Variants in CDC26 observed in about 807,000 individuals in gnomAD.
CDC26 encodes the protein cell division cycle 26.
In CDC26, 2 loss-of-function variants were observed where a neutral mutation model predicts 8.0. The observed-to-expected ratio is 0.25, with a 90% CI of 0.10 to 0.79. The LOEUF (loss-of-function observed/expected upper bound fraction) is 0.79, where lower values mean the gene tolerates loss of function less well. Ranked by LOEUF, CDC26 falls within the 30% of genes least tolerant of loss-of-function variation. The pLI is 0.70. For synonymous variants in CDC26, 19 were observed against 34.9 expected (o/e 0.55, Z 1.60); for missense variants, 68 against 106.0 (o/e 0.64, Z 1.57).
At position 113,267,426 on chromosome 9, in the gene CDC26, T is replaced by C; in HGVS notation, c.95A>G (p.Gln32Arg). 6.3e-7 allele frequency: 1 copy of C among 1,598,140 alleles called. No individual in the cohort carries two copies. Among genetic ancestry groups the C allele is most frequent in the South Asian group, 1.1e-5 (1 of 87,818 alleles). ...IRKDLETRKKQKEDVEVVGGS... is the reference protein window; with the variant it reads ...IRKDLETRKKRKEDVEVVGGS... Reference sequence around the variant, plus strand: ...TCCTACAACTTCCACATCTTCCTTCTGTTTCTTACGGGTCTGAAAGTATAA... The same window carrying C: ...TCCTACAACTTCCACATCTTCCTTCCGTTTCTTACGGGTCTGAAAGTATAA... The change falls in exon 4 of 4, where the codon CAG becomes CGG. Residue 32 changes from glutamine to arginine, a missense_variant. Coordinates refer to ENST00000374206, the MANE Select transcript of CDC26 (RefSeq NM_139286.4).
intron 3 of CDC26, among the ~76,000 whole-genome samples, chr9:113,271,951 C>T (rs1467474156): frequency 6.6e-6 from 1 of 152,156 alleles, no homozygotes; most frequent in East Asian, 1.9e-4. Flanking sequence ...AATCCTCCCG[C>T]CTCCGCCTCC....
intron 3 of CDC26, among the ~76,000 whole-genome samples, chr9:113,267,712 G>A (rs1831884697): frequency 6.6e-6 from 1 of 152,198 alleles, no homozygotes; most frequent in Non-Finnish European, 1.5e-5. Context: ...AATTTGGCGG[G>A]GCACGGTGGC....
chr9:113,273,040 T>C (rs771014679), intron 2 of CDC26, among the ~76,000 whole-genome samples: 1 of 152,204 alleles, frequency 6.6e-6, no homozygotes, highest in South Asian at 2.1e-4. Flanking sequence ...TGTTACATTA[T>C]GGAGATCTAC....
chr9:113,273,184 T>C (rs1052987663), intron 2 of CDC26, 145 bp downstream of exon 2: 3 of 152,210 alleles, frequency 2.0e-5, no homozygotes, highest in Non-Finnish European at 4.4e-5. Flanking sequence ...GCTAAAAGAA[T>C]AAACTATCAC....
intron 3 of CDC26, among the ~76,000 whole-genome samples, chr9:113,268,447 C>T (rs556415565): frequency 5.3e-4 from 81 of 152,296 alleles, no homozygotes; most frequent in Non-Finnish European, 9.7e-4. Context: ...CAAAAACAGA[C>T]ACTTATCCCA....
In CDC26 at chr9:113,275,428, C is replaced by T. The variant is rs373384413; in HGVS notation, c.-198G>A. ...CCCTTCCCGGAACCTCGGCTCCCCC[C>T]CAACGAAACTACTGCTAAGCCAACT... On this transcript the variant is annotated 5_prime_UTR_variant, in exon 1 of 4. Coordinates refer to ENST00000374206, the MANE Select transcript of CDC26 (RefSeq NM_139286.4). The T allele has an allele frequency of 5.4e-5, 18 of 334,298 alleles. 1 individual carries two copies. Among genetic ancestry groups the T allele is most frequent in the African/African-American group, 2.6e-4 (12 of 46,994 alleles). The allele number at this position is 334,298 out of a possible 1,614,324, so 20.7% of individuals were successfully genotyped here.
At chr9:113,269,254 A>G (rs1316059030) in intron 3 of CDC26, among the ~76,000 whole-genome samples, 2 of 152,192 alleles carry the variant, frequency 1.3e-5, no homozygotes, top group Middle Eastern at 3.2e-3. Context: ...AATAAATGCC[A>G]ACACTCACAA....
Position 113,267,179 on chromosome 9 carries a change from A to G in CDC26, c.*84T>C. 1.3e-6 allele frequency: 1 copy of G among 795,644 alleles called. No individual in the cohort carries two copies. Among genetic ancestry groups the G allele is most frequent in the African/African-American group, 1.8e-5 (1 of 56,866 alleles). The allele number at this position is 795,644 out of a possible 1,614,324, so 49.3% of individuals were successfully genotyped here. Reference sequence around the variant, plus strand: ...AGGAGGTACATTCTGCTTGACTGCAAGCACTCAATTCTCTAAATCTGGTTT... The same window carrying G: ...AGGAGGTACATTCTGCTTGACTGCAGGCACTCAATTCTCTAAATCTGGTTT... On this transcript the variant is annotated 3_prime_UTR_variant, in exon 4 of 4. Coordinates refer to ENST00000374206, the MANE Select transcript of CDC26 (RefSeq NM_139286.4).
chr9:113,269,485 G>A (rs2118543716), intron 3 of CDC26, among the ~76,000 whole-genome samples: 1 of 152,268 alleles, frequency 6.6e-6, no homozygotes, highest in Middle Eastern at 3.4e-3. Flanking sequence ...AGTCACAGTA[G>A]TATAATCAAA....
chr9:113,269,137 A>C (rs1334714729), intron 3 of CDC26, among the ~76,000 whole-genome samples: 1 of 151,838 alleles, frequency 6.6e-6, no homozygotes, highest in Admixed American at 6.6e-5. Context: ...TGGTAGGATC[A>C]CCTGAGCCTG....
intron 1 of CDC26, among the ~76,000 whole-genome samples, chr9:113,274,626 C>A (rs928024622): frequency 6.6e-6 from 1 of 152,126 alleles, no homozygotes; most frequent in African/African-American, 2.4e-5. Context: ...AAAGTGCTGG[C>A]TGTAGAGGTT....
intron 3 of CDC26, among the ~76,000 whole-genome samples, chr9:113,270,344 T>C (rs1000019573): frequency 2.6e-5 from 4 of 152,196 alleles, no homozygotes; most frequent in South Asian, 2.1e-4. Context: ...TTAATGGACA[T>C]CTAATACCAT....
At chr9:113,274,839 G>A (rs1049525451) in intron 1 of CDC26, among the ~76,000 whole-genome samples, 1 of 152,132 alleles carries the variant, frequency 6.6e-6, no homozygotes, top group Non-Finnish European at 1.5e-5. Flanking sequence ...AATTGTTCTA[G>A]GGGGTTGCAT....
Position 113,267,076 on chromosome 9 carries a change from G to A in CDC26, c.*187C>T, listed in dbSNP as rs1003789303. 1 of 475,046 alleles carries A rather than the reference G, an allele frequency of 2.1e-6. No homozygotes were observed. Among genetic ancestry groups the A allele is most frequent in the African/African-American group, 2.0e-5 (1 of 51,062 alleles). 29.4% of individuals were successfully genotyped at this position (475,046 alleles called of 1,614,324 possible). A position where few individuals can be genotyped will look rare whatever the true frequency, so the allele number is the denominator to read the frequency against. ...CAGTTTTATAGAGTCAAATTTTCAA[G>A]AGACAAACCAGAGTTTGGATTCCAG... On this transcript the variant is annotated 3_prime_UTR_variant, in exon 4 of 4. Coordinates refer to ENST00000374206, the MANE Select transcript of CDC26 (RefSeq NM_139286.4).
At chr9:113,274,171 C>A (rs1263202521) in intron 1 of CDC26, among the ~76,000 whole-genome samples, 1 of 152,120 alleles carries the variant, frequency 6.6e-6, no homozygotes, top group Non-Finnish European at 1.5e-5. Context: ...GTCATCGAAG[C>A]AAGCTGTTCA....
Position 113,267,405 on chromosome 9 carries a change from A to G in CDC26, c.116T>C (p.Val39Ala). The G allele has an allele frequency of 1.3e-6, 2 of 1,596,236 alleles. No homozygotes were observed. The highest frequency in any genetic ancestry group is 1.7e-6 in the Non-Finnish European group (2 of 1,174,574). Reference protein sequence around the residue: ...RKKQKEDVEVVGGSDGEGAIG... With the variant: ...RKKQKEDVEVAGGSDGEGAIG... ...GGCTCCTTCTCCATCACTGCCTCCT[A>G]CAACTTCCACATCTTCCTTCTGTTT... The change falls in exon 4 of 4, where the codon GTA becomes GCA. Residue 39 changes from valine (V) to alanine (A), a missense_variant. Transcript: ENST00000374206.
At chr9:113,271,061 C>T (rs1304743945) in intron 3 of CDC26, among the ~76,000 whole-genome samples, 1 of 152,114 alleles carries the variant, frequency 6.6e-6, no homozygotes, top group African/African-American at 2.4e-5. Flanking sequence ...GGATTCCAGA[C>T]ATATTCTGAA....
chr9:113,269,967 A>G (rs1230043064), intron 3 of CDC26, among the ~76,000 whole-genome samples: 3 of 152,232 alleles, frequency 2.0e-5, no homozygotes, highest in African/African-American at 4.8e-5. Flanking sequence ...TGGACCTGGT[A>G]TTGCAGGGAA....
chr9:113,270,475 T>G (rs1017113668), intron 3 of CDC26, among the ~76,000 whole-genome samples: 1 of 149,846 alleles, frequency 6.7e-6, no homozygotes, highest in Non-Finnish European at 1.5e-5. Context: ...TAAATGATTT[T>G]ACAATAAAAA....
Sources: gnomAD v4.1 joint callset for allele counts (sites outside exome capture counted in the v4.1 genomes callset) on GRCh38, gnomAD v4.1.1 for gene constraint, MANE v1.5 for transcripts, NCBI Gene and HGNC (gene_info 2026-07-23, HGNC 2026-07-21) for gene names.